The following FOXP2 variants were observed in gnomAD, a reference collection of about 807,000 sequenced individuals.
The protein encoded by FOXP2 is forkhead box protein P2.
FOXP2 carries 12 observed loss-of-function variants against 115.8 expected under a neutral mutation model. The observed-to-expected ratio is 0.10, with a 90% CI of 0.07 to 0.17. The LOEUF is 0.17. Ranked by LOEUF, FOXP2 falls within the 10% of genes least tolerant of loss-of-function variation. The pLI is 1.00. For missense variants in FOXP2, 629 were observed against 843.5 expected, an observed-to-expected ratio of 0.75 and a Z score of 3.15; for synonymous variants, 328 against 297.7, an observed-to-expected ratio of 1.10 and a Z score of -1.05.
In FOXP2 at chr7:114,689,822, G is replaced by T; in HGVS notation, c.2044G>T (p.Asp682Tyr). ...CAAGGAAGAGCCAGTGATTGCAGAG[G>T]ATGAAGACTGCCCAATGTCCTTAGT... ...HVKEEPVIAE[D>Y]EDCPMSLVTT... The change falls in exon 17 of 17, where the codon GAT becomes TAT. Residue 682 changes from aspartate to tyrosine, a missense_variant. Transcript: ENST00000350908. 6.2e-7 allele frequency: 1 copy of T among 1,613,484 alleles called. No individual in the cohort carries two copies. Among genetic ancestry groups the T allele is most frequent in the Non-Finnish European group, 8.5e-7 (1 of 1,179,560 alleles).
chr7:114,342,911 A>T (rs764555542), intron 2 of FOXP2, among the ~76,000 whole-genome samples: 11 of 151,636 alleles, frequency 7.3e-5, no homozygotes, highest in Non-Finnish European at 1.2e-4. Flanking sequence ...CTATGTTCTC[A>T]CACTCTTTAG....
rs1283187808 is a variant in FOXP2, at chr7:114,426,642, T to G, written c.131T>G (p.Val44Gly). The G allele has an allele frequency of 6.2e-7, 1 of 1,611,476 alleles. No individual in the cohort carries two copies. Among genetic ancestry groups the G allele is most frequent in the South Asian group, 1.1e-5 (1 of 91,038 alleles). ...TCAAGTGGTGACACCAGCTCTGAAG[T>G]AAGCACAGTAGAACTGCTGCATCTG... ...GRSSGDTSSEVSTVELLHLQQ... is the reference protein window; with the variant it reads ...GRSSGDTSSEGSTVELLHLQQ... The change falls in exon 2 of 17, where the codon GTA becomes GGA. Residue 44 changes from valine (V) to glycine (G), a missense_variant. Coordinates refer to ENST00000350908, the MANE Select transcript of FOXP2 (RefSeq NM_014491.4).
chr7:114,522,484 G>A (rs1175513023), intron 2 of FOXP2, among the ~76,000 whole-genome samples: 7 of 152,030 alleles, frequency 4.6e-5, no homozygotes, highest in Admixed American at 4.6e-4. Context: ...GCTACCAACA[G>A]GCAACCATTT....
chr7:114,215,638 C>T (rs991268364), intron 1 of FOXP2, among the ~76,000 whole-genome samples: 2 of 151,264 alleles, frequency 1.3e-5, no homozygotes, highest in Non-Finnish European at 1.5e-5. Context: ...GTGTACTTAG[C>T]ATTGGTTAAG....
chr7:114,095,642 C>T (rs113116285), intron 1 of FOXP2, among the ~76,000 whole-genome samples: 89 of 152,104 alleles, frequency 5.9e-4, no homozygotes, highest in Non-Finnish European at 7.6e-4. Flanking sequence ...TTTTCCCTGA[C>T]GCTTCTATCA....
intron 2 of FOXP2, among the ~76,000 whole-genome samples, chr7:114,530,435 A>G (rs1482922878): frequency 6.6e-6 from 1 of 151,870 alleles, no homozygotes; most frequent in Non-Finnish European, 1.5e-5. Flanking sequence ...TAATGTCTCA[A>G]ATGCAACAGG....
chr7:114,318,228 T>C (rs1321170820), intron 2 of FOXP2, among the ~76,000 whole-genome samples: 2 of 152,136 alleles, frequency 1.3e-5, no homozygotes, highest in Admixed American at 1.3e-4. Context: ...GGGTTTTGTT[T>C]TTGTTTTATT....
intron 3 of FOXP2, among the ~76,000 whole-genome samples, chr7:114,590,128 C>T (rs1293876565): frequency 2.6e-5 from 4 of 152,048 alleles, no homozygotes; most frequent in Non-Finnish European, 5.9e-5. Context: ...CCTAACGAGC[C>T]TAGTGTACTG....
At chr7:114,269,062 A>T (rs1795971698) in intron 1 of FOXP2, among the ~76,000 whole-genome samples, 1 of 152,186 alleles carries the variant, frequency 6.6e-6, no homozygotes. Flanking sequence ...TGAAGAAATC[A>T]TGTCATTTAT....
At chr7:114,430,997 G>A (rs1794083086) in intron 2 of FOXP2, among the ~76,000 whole-genome samples, 1 of 151,734 alleles carries the variant, frequency 6.6e-6, no homozygotes, top group Admixed American at 6.6e-5. Flanking sequence ...CATAGAAATG[G>A]ATTTTTTAAT....
intron 2 of FOXP2, among the ~76,000 whole-genome samples, chr7:114,446,347 A>G (rs577268318): frequency 6.6e-6 from 1 of 152,082 alleles, no homozygotes; most frequent in East Asian, 1.9e-4. Context: ...TCATTCATTC[A>G]TCAAACATTT....
rs182239651 is a variant in FOXP2, at chr7:114,090,187, A to T, written c.-247+2349A>T. Among the ~76,000 whole-genome samples, 29 of 152,040 alleles carry T rather than the reference A, an allele frequency of 1.9e-4. No homozygotes were observed. The East Asian group carries it at 4.2e-3, about 22-fold the overall frequency. The stretch of plus-strand genomic sequence containing the variant: ...AATTGGAAAGAGGCCATTAACTTGT[A>T]AGAAGAGAATGAGATTGAGCACACA... On this transcript the variant is annotated intron_variant, in intron 1 of 19. Transcript: ENST00000635638.
At chr7:114,604,796 G>A (rs765817652) in intron 3 of FOXP2, among the ~76,000 whole-genome samples, 64 of 152,194 alleles carry the variant, frequency 4.2e-4, no homozygotes, top group Non-Finnish European at 7.8e-4. Flanking sequence ...TCCATAAACC[G>A]TGATATGCAG....
intron 1 of FOXP2, among the ~76,000 whole-genome samples, chr7:114,418,358 A>G (rs976440045): frequency 1.3e-5 from 2 of 151,934 alleles, no homozygotes; most frequent in Non-Finnish European, 2.9e-5. Context: ...CTAATCAGCT[A>G]GAAATAACTG....
chr7:114,165,744 T>C (rs1251646161), intron 1 of FOXP2, among the ~76,000 whole-genome samples: 1 of 152,190 alleles, frequency 6.6e-6, no homozygotes, highest in Non-Finnish European at 1.5e-5. Context: ...CAGCAAGTTA[T>C]TTTGTGGGTA....
chr7:114,159,502 G>GA (rs3086369), upstream of FOXP2, among the ~76,000 whole-genome samples: 16 of 151,442 alleles, frequency 1.1e-4, no homozygotes, highest in East Asian at 3.9e-4. Context: ...TAATGAAAAA[G>GA]AAAAAAACAG....
At chr7:114,299,589 C>A (rs990986738) in intron 2 of FOXP2, among the ~76,000 whole-genome samples, 12 of 151,672 alleles carry the variant, frequency 7.9e-5, no homozygotes, top group African/African-American at 2.9e-4. Context: ...AAACATGAAG[C>A]CCTTTCTACC....
chr7:114,390,787 G>C (rs1792578405), intron 2 of FOXP2, among the ~76,000 whole-genome samples: 1 of 151,876 alleles, frequency 6.6e-6, no homozygotes, highest in Admixed American at 6.6e-5. Flanking sequence ...TCAACTCCTG[G>C]GCTCAAGTGA....
intron 1 of FOXP2, among the ~76,000 whole-genome samples, chr7:114,420,197 A>G (rs1302408517): frequency 1.3e-5 from 2 of 151,824 alleles, no homozygotes; most frequent in African/African-American, 4.8e-5. Context: ...AGAAGTACAT[A>G]CTCAGAGCTC....
Sources: allele counts gnomAD v4.1 joint callset (sites outside exome capture counted in the v4.1 genomes callset), GRCh38; gene constraint gnomAD v4.1.1; transcripts MANE v1.5; gene names NCBI Gene and HGNC (gene_info 2026-07-23, HGNC 2026-07-21).